The following EXOC6 variants were observed in gnomAD, a reference collection of about 807,000 sequenced individuals.
The protein encoded by EXOC6 is SEC15-like 1.
Under a neutral mutation model 112.5 loss-of-function variants are expected in EXOC6, and 60 were observed. The observed-to-expected ratio is 0.53, with a 90% CI of 0.43 to 0.66. EXOC6 has a LOEUF of 0.66. Among genes scored for constraint, EXOC6 ranks in the 30% least tolerant of loss-of-function variants. The probability of loss-of-function intolerance (pLI) is 0.00; values close to 1 mark genes in which losing one functional copy is unlikely to be tolerated. For synonymous variants in EXOC6, 295 were observed against 308.0 expected (o/e 0.96, Z 0.44); for missense variants, 855 against 957.1 (o/e 0.89, Z 1.41).
At chr10:93,019,043 G>A (rs1844664505) in intron 20 of EXOC6, among the ~76,000 whole-genome samples, 1 of 151,876 alleles carries the variant, frequency 6.6e-6, no homozygotes, top group South Asian at 2.1e-4. Context: ...TGAACTGATG[G>A]TGGACTAAAA....
chr10:93,055,372 A>G (rs971177734), intron 20 of EXOC6, among the ~76,000 whole-genome samples: 4 of 152,210 alleles, frequency 2.6e-5, no homozygotes, highest in Non-Finnish European at 5.9e-5. Flanking sequence ...TGATAACACA[A>G]ATAACATTTT....
At chr10:92,988,031 A>G (rs558044776) in intron 18 of EXOC6, among the ~76,000 whole-genome samples, 59 of 152,304 alleles carry the variant, frequency 3.9e-4, no homozygotes, top group Admixed American at 3.3e-3. Context: ...TAAATACTCA[A>G]AAAATATTAG....
intron 18 of EXOC6, among the ~76,000 whole-genome samples, chr10:92,982,130 A>T (rs187179871): frequency 6.6e-6 from 1 of 152,088 alleles, no homozygotes; most frequent in East Asian, 1.9e-4. Flanking sequence ...AAAACCAAAC[A>T]AAAAAACCAG....
chr10:92,884,868 A>C (rs929912284), intron 1 of EXOC6, among the ~76,000 whole-genome samples: 16 of 152,154 alleles, frequency 1.1e-4, no homozygotes, highest in African/African-American at 3.6e-4. Flanking sequence ...TTCATCAGAA[A>C]GGGAACTTTT....
At chr10:92,962,962 T>TA (rs1339438707) in intron 17 of EXOC6, among the ~76,000 whole-genome samples, 2 of 152,204 alleles carry the variant, frequency 1.3e-5, no homozygotes, top group Non-Finnish European at 2.9e-5. Context: ...TTATTCTTGT[T>TA]ACCTGCCTGG....
chr10:92,896,179 ATATTTTTTTTTTTTTTT>A (rs1849807676), intron 4 of EXOC6, among the ~76,000 whole-genome samples: 26 of 13,070 alleles, frequency 2.0e-3, no homozygotes, highest in South Asian at 4.2e-3. Flanking sequence ...ATATATATAT[ATATTTTTTTTTTTTTTT>A]TTTTTTTTTT....
intron 20 of EXOC6, among the ~76,000 whole-genome samples, chr10:93,028,442 G>C (rs1845118429): frequency 6.6e-6 from 1 of 152,234 alleles, no homozygotes; most frequent in Non-Finnish European, 1.5e-5. Context: ...AAAATCTCAT[G>C]ATAAAATTTG....
intron 13 of EXOC6, among the ~76,000 whole-genome samples, chr10:92,941,993 T>A (rs986219383): frequency 5.3e-5 from 8 of 152,204 alleles, no homozygotes; most frequent in African/African-American, 1.9e-4. Context: ...TGTGTCAATA[T>A]TTGATGATAT....
intron 1 of EXOC6, among the ~76,000 whole-genome samples, chr10:92,889,562 T>C (rs1849392279): frequency 6.6e-6 from 1 of 152,170 alleles, no homozygotes; most frequent in South Asian, 2.1e-4. Flanking sequence ...GACTGTCTTT[T>C]CTCTATTGTA....
At chr10:93,008,684 T>G (rs924039604) in intron 19 of EXOC6, among the ~76,000 whole-genome samples, 20 of 152,156 alleles carry the variant, frequency 1.3e-4, no homozygotes, top group African/African-American at 4.6e-4. Context: ...TTAGTAGAAA[T>G]GATTTGTATT....
intron 1 of EXOC6, among the ~76,000 whole-genome samples, chr10:92,891,202 T>A (rs1289657806): frequency 6.6e-6 from 1 of 152,126 alleles, no homozygotes; most frequent in African/African-American, 2.4e-5. Context: ...AGGAATTCAT[T>A]TTCGGACATA....
intron 1 of EXOC6, among the ~76,000 whole-genome samples, chr10:92,859,072 C>G (rs187941008): frequency 2.6e-5 from 4 of 152,078 alleles, no homozygotes; most frequent in Admixed American, 2.6e-4. Flanking sequence ...GCCACTGTTG[C>G]GTGTTTTTCT....
intron 20 of EXOC6, among the ~76,000 whole-genome samples, chr10:93,029,168 AT>A (rs1246614350): frequency 6.6e-5 from 10 of 152,022 alleles, no homozygotes; most frequent in African/African-American, 2.4e-4. Context: ...GATCATTAGC[AT>A]TTTTTTTGTA....
chr10:92,859,731 G>A (rs2133672607), intron 1 of EXOC6, among the ~76,000 whole-genome samples: 1 of 152,182 alleles, frequency 6.6e-6, no homozygotes, highest in African/African-American at 2.4e-5. Flanking sequence ...GAGGTAGAGG[G>A]GCTGAGTTTT....
At chr10:92,908,904 GTT>G (rs778058247) in intron 5 of EXOC6, among the ~76,000 whole-genome samples, 3 of 151,772 alleles carry the variant, frequency 2.0e-5, no homozygotes, top group Admixed American at 1.3e-4. Flanking sequence ...ATTTTTACCT[GTT>G]TTTTGTGTGT....
intron 18 of EXOC6, among the ~76,000 whole-genome samples, chr10:92,987,454 A>G (rs1242940732): frequency 2.6e-5 from 4 of 152,224 alleles, no homozygotes; most frequent in African/African-American, 9.6e-5. Context: ...TTATGGTCAC[A>G]TTTATGTGAT....
At chr10:92,975,970 C>T (rs1236959359) in intron 18 of EXOC6, among the ~76,000 whole-genome samples, 3 of 133,770 alleles carry the variant, frequency 2.2e-5, no homozygotes, top group South Asian at 5.0e-4. Flanking sequence ...AGGTGAGGGG[C>T]GCCTCTGCCC....
At chr10:92,849,092 G>C (rs1436066568) in intron 1 of EXOC6, among the ~76,000 whole-genome samples, 2 of 152,278 alleles carry the variant, frequency 1.3e-5, no homozygotes, top group Non-Finnish European at 2.9e-5. Flanking sequence ...CGGGTGGAAA[G>C]CCTGGCGCGC....
intron 1 of EXOC6, among the ~76,000 whole-genome samples, chr10:92,891,962 G>A (rs1849524349): frequency 6.6e-6 from 1 of 152,110 alleles, no homozygotes; most frequent in Non-Finnish European, 1.5e-5. Flanking sequence ...ATATGATTAC[G>A]TGTCAGAATA....
Sources: allele counts gnomAD v4.1 joint callset (sites outside exome capture counted in the v4.1 genomes callset), GRCh38; gene constraint gnomAD v4.1.1; transcripts MANE v1.5; gene names NCBI Gene and HGNC (gene_info 2026-07-23, HGNC 2026-07-21).